AKT3: variants seen among roughly 807,000 people sequenced by gnomAD.
The protein encoded by AKT3 is AKT serine/threonine kinase 3, also known as RAC-gamma serine/threonine-protein kinase.
AKT3 carries 15 observed loss-of-function variants against 65.3 expected under a neutral mutation model. That is an observed-to-expected ratio of 0.23 (90% confidence interval 0.15 to 0.35). AKT3 has a LOEUF of 0.35. Ranked by LOEUF, AKT3 falls within the 10% of genes least tolerant of loss-of-function variation. The pLI, the probability that AKT3 is intolerant of heterozygous loss-of-function variation, is 1.00. For missense variants in AKT3, 243 were observed against 576.5 expected (o/e 0.42, Z 5.92); for synonymous variants, 206 against 183.8 (o/e 1.12, Z -0.98).
At chr1:243,700,870 C>G (rs569853059) in intron 2 of AKT3, among the ~76,000 whole-genome samples, 1 of 152,242 alleles carries the variant, frequency 6.6e-6, no homozygotes, top group South Asian at 2.1e-4. Flanking sequence ...CACTTTCCAC[C>G]TAAAAGATCT....
intron 6 of AKT3, among the ~76,000 whole-genome samples, chr1:243,629,815 T>G (rs373760187): frequency 6.6e-6 from 1 of 151,934 alleles, no homozygotes; most frequent in Non-Finnish European, 1.5e-5. Flanking sequence ...AAAAAAGATA[T>G]GGGAGATATG....
intron 8 of AKT3, among the ~76,000 whole-genome samples, chr1:243,577,272 G>A (rs187090211): frequency 6.6e-6 from 1 of 152,234 alleles, no homozygotes; most frequent in East Asian, 1.9e-4. Context: ...TCAGCCTCCT[G>A]AGTAGCTGAG....
chr1:243,668,992 C>CA (rs1185986856), intron 3 of AKT3, among the ~76,000 whole-genome samples: 1 of 152,068 alleles, frequency 6.6e-6, no homozygotes, highest in East Asian at 1.9e-4. Flanking sequence ...ATATATTCCA[C>CA]AAAAAATAAG....
In AKT3 at chr1:243,502,231, TAG is replaced by T. The variant is rs1304872234; in HGVS notation, c.*3016_*3017del. On this transcript the variant is annotated 3_prime_UTR_variant, in exon 14 of 14. Coordinates refer to ENST00000673466, the MANE Select transcript of AKT3 (RefSeq NM_005465.7). ...GCAAAGTGTGTATGTTGAGGTGTAA[TAG>T]AGAGACCCTGCAGTTAGTAAGGAAG... The T allele has an allele frequency of 4.3e-6, 1 of 232,446 alleles. No homozygotes were observed. The highest frequency in any genetic ancestry group is 8.5e-6 in the Non-Finnish European group (1 of 117,680). 14.4% of individuals were successfully genotyped at this position (232,446 alleles called of 1,614,324 possible). A position where few individuals can be genotyped will look rare whatever the true frequency, so the allele number is the denominator to read the frequency against.
intron 9 of AKT3, among the ~76,000 whole-genome samples, chr1:243,571,249 G>GGAGGTT (rs2148503571): frequency 6.6e-6 from 1 of 152,284 alleles, no homozygotes; most frequent in East Asian, 1.9e-4. Context: ...CCAGGGAGTT[G>GGAGGTT]GAGGTTGCAG....
At position 243,827,348 on chromosome 1, in the gene AKT3, T is replaced by C. The variant is rs555967024; in HGVS notation, c.46+15777A>G. On this transcript the variant is annotated intron_variant, in intron 2 of 13. Coordinates refer to ENST00000673466, the MANE Select transcript of AKT3 (RefSeq NM_005465.7). ...GCCACTTTTAATATTTTTGGCATTG[T>C]GGATGTTTCTTGATTTATCACCTAT... Among the ~76,000 whole-genome samples the C allele has an allele frequency of 2.0e-3, 309 of 152,316 alleles. 1 individual carries two copies. The highest frequency in any genetic ancestry group is 3.1e-3 in the Non-Finnish European group (213 of 68,006).
chr1:243,499,250 G>C (rs1337459850), downstream of AKT3, among the ~76,000 whole-genome samples: 3 of 152,226 alleles, frequency 2.0e-5, no homozygotes, highest in African/African-American at 4.8e-5. Context: ...GTTTCCATGT[G>C]AAAGTACTTT....
intron 13 of AKT3, among the ~76,000 whole-genome samples, chr1:243,491,824 T>TCTAAA (rs1161755452): frequency 6.6e-6 from 1 of 152,164 alleles, no homozygotes; most frequent in Non-Finnish European, 1.5e-5. Flanking sequence ...CAGCTGAGGG[T>TCTAAA]TAGAGCTGTC....
chr1:243,652,478 C>T (rs973011978), intron 4 of AKT3, among the ~76,000 whole-genome samples: 10 of 151,990 alleles, frequency 6.6e-5, no homozygotes, highest in Non-Finnish European at 7.4e-5. Context: ...CAACTGATAC[C>T]AGCCACTGCA....
intron 2 of AKT3, among the ~76,000 whole-genome samples, chr1:243,806,582 T>G (rs1004601793): frequency 1.2e-4 from 18 of 152,240 alleles, no homozygotes; most frequent in African/African-American, 4.1e-4. Flanking sequence ...AATGGGTAAG[T>G]ACTTTCAGAC....
intron 2 of AKT3, among the ~76,000 whole-genome samples, chr1:243,748,844 A>G (rs74151212): frequency 0.044 from 6,629 of 152,240 alleles, 204 homozygotes; most frequent in Middle Eastern, 0.088. Context: ...AATCTTGAGT[A>G]CGTGTCAAGG....
intron 2 of AKT3, among the ~76,000 whole-genome samples, chr1:243,813,980 A>G (rs747617655): frequency 5.9e-5 from 9 of 152,122 alleles, no homozygotes; most frequent in Admixed American, 3.9e-4. Context: ...GCACACCTGT[A>G]GTCCCAGCTA....
intron 8 of AKT3, among the ~76,000 whole-genome samples, chr1:243,590,508 A>G (rs1230430550): frequency 6.6e-6 from 1 of 152,202 alleles, no homozygotes; most frequent in Non-Finnish European, 1.5e-5. Flanking sequence ...ACCAAGAGAA[A>G]AATCAGTCAT....
chr1:243,578,938 T>C (rs1399597596), intron 8 of AKT3, among the ~76,000 whole-genome samples: 1 of 152,176 alleles, frequency 6.6e-6, no homozygotes, highest in Admixed American at 6.5e-5. Context: ...GTAATTATTA[T>C]AAAGCAGAAA....
chr1:243,626,643 G>T (rs1679187062), intron 6 of AKT3, among the ~76,000 whole-genome samples: 1 of 152,142 alleles, frequency 6.6e-6, no homozygotes, highest in South Asian at 2.1e-4. Flanking sequence ...AGGTAAAAAA[G>T]AAACCTTCCA....
intron 2 of AKT3, among the ~76,000 whole-genome samples, chr1:243,824,454 A>G (rs1478942493): frequency 6.6e-6 from 1 of 152,202 alleles, no homozygotes; most frequent in East Asian, 1.9e-4. Context: ...AAAAGAAACT[A>G]TCATCAGAGT....
intron 3 of AKT3, among the ~76,000 whole-genome samples, chr1:243,678,122 C>G (rs1683658782): frequency 6.6e-6 from 1 of 151,944 alleles, no homozygotes; most frequent in Non-Finnish European, 1.5e-5. Flanking sequence ...TAGAGATAGC[C>G]TATCAGTCAT....
chr1:243,753,344 C>T (rs553168565), intron 2 of AKT3, among the ~76,000 whole-genome samples: 17 of 152,248 alleles, frequency 1.1e-4, no homozygotes, highest in Admixed American at 1.1e-3. Context: ...AAAGTTCCTA[C>T]GTAAGCAGAT....
intron 6 of AKT3, among the ~76,000 whole-genome samples, chr1:243,616,018 GGT>G (rs1678277110): frequency 6.6e-6 from 1 of 151,934 alleles, no homozygotes; most frequent in East Asian, 1.9e-4. Flanking sequence ...AGAGACTACA[GGT>G]TGTTTTTTTT....
Sources: allele counts gnomAD v4.1 joint callset (sites outside exome capture counted in the v4.1 genomes callset), GRCh38; gene constraint gnomAD v4.1.1; transcripts MANE v1.5; gene names NCBI Gene and HGNC (gene_info 2026-07-23, HGNC 2026-07-21).